The following OSBPL11 variants were observed in gnomAD, a reference collection of about 807,000 sequenced individuals.
OSBPL11 encodes oxysterol binding protein like 11, also known as oxysterol-binding protein-related protein 11.
Under a neutral mutation model 84.4 loss-of-function variants are expected in OSBPL11, and 33 were observed. The ratio of observed to expected loss-of-function variants is 0.39; its 90% confidence interval spans 0.30 to 0.52. The LOEUF is 0.52. OSBPL11 is among the 20% of genes least tolerant of loss of function. The pLI, the probability that OSBPL11 is intolerant of heterozygous loss-of-function variation, is 0.72. For missense variants in OSBPL11, 736 were observed against 901.1 expected, an observed-to-expected ratio of 0.82 and a Z score of 2.35; for synonymous variants, 276 against 310.2, an observed-to-expected ratio of 0.89 and a Z score of 1.16.
In OSBPL11 at chr3:125,529,773, T is replaced by G. The variant is rs1043894646; in HGVS notation, c.*742A>C. 1 of 152,644 alleles carries G rather than the reference T, an allele frequency of 6.6e-6. No individual in the cohort carries two copies. The highest frequency in any genetic ancestry group is 2.4e-5 in the African/African-American group (1 of 41,456). The allele number at this position is 152,644 out of a possible 1,614,324, so 9.5% of individuals were successfully genotyped here. The stretch of plus-strand genomic sequence containing the variant: ...TCTCAAGTGTAATATTTAATAAAAC[T>G]AGGTACTGAAAAATGTTCTGAAATT... On this transcript the variant is annotated 3_prime_UTR_variant, in exon 13 of 13. Coordinates refer to ENST00000296220, the MANE Select transcript of OSBPL11 (RefSeq NM_022776.5).
intron 8 of OSBPL11, among the ~76,000 whole-genome samples, chr3:125,553,103 C>T (rs1935937450): frequency 6.6e-6 from 1 of 152,108 alleles, no homozygotes; most frequent in Non-Finnish European, 1.5e-5. Context: ...CAGAGTGAGA[C>T]CCTGTCTTAA....
chr3:125,570,383 G>A (rs1936225781), intron 5 of OSBPL11, among the ~76,000 whole-genome samples: 1 of 151,864 alleles, frequency 6.6e-6, no homozygotes, highest in African/African-American at 2.4e-5. Context: ...TGTGTGTGGT[G>A]GTGTGTGCCT....
At chr3:125,589,924 C>A (rs901535678) in intron 1 of OSBPL11, among the ~76,000 whole-genome samples, 1 of 152,052 alleles carries the variant, frequency 6.6e-6, no homozygotes, top group Non-Finnish European at 1.5e-5. Context: ...GTGAGGAGCT[C>A]AAAATTTTAA....
chr3:125,578,872 T>C (rs1936374906), intron 4 of OSBPL11, 88 bp downstream of exon 4: 10 of 746,780 alleles, frequency 1.3e-5, no homozygotes, highest in Non-Finnish European at 2.1e-5. Context: ...TTACGGTATA[T>C]GAATAGTATC....
intron 8 of OSBPL11, among the ~76,000 whole-genome samples, chr3:125,557,004 A>T (rs1935999971): frequency 6.6e-6 from 1 of 152,222 alleles, no homozygotes; most frequent in Admixed American, 6.5e-5. Flanking sequence ...CACATTTCAT[A>T]CACACAAAAA....
chr3:125,580,668 C>T, intron 2 of OSBPL11, among the ~76,000 whole-genome samples: 1 of 151,898 alleles, frequency 6.6e-6, no homozygotes, highest in Non-Finnish European at 1.5e-5. Flanking sequence ...AGATTTTTCC[C>T]CAGAATTCAT....
At chr3:125,572,502 G>A (rs1936257174) in intron 5 of OSBPL11, among the ~76,000 whole-genome samples, 1 of 152,124 alleles carries the variant, frequency 6.6e-6, no homozygotes, top group African/African-American at 2.4e-5. Context: ...CCCACATGTT[G>A]TAGGAGGGAC....
At position 125,539,339 on chromosome 3, in the gene OSBPL11, AT is replaced by A. The variant is rs1559834983; in HGVS notation, c.1842-707del. ...TATATATATATATATATATATATAT[AT>A]ATATAATAGCTATATATATGGCTGT... is the stretch of plus-strand genomic sequence containing the variant. On this transcript the variant is annotated intron_variant, in intron 10 of 12. Coordinates refer to ENST00000296220, the MANE Select transcript of OSBPL11 (RefSeq NM_022776.5). Among the ~76,000 whole-genome samples, 1,058 of 124,566 alleles carry A rather than the reference AT, an allele frequency of 8.5e-3. 11 individuals carry two copies. The highest frequency in any genetic ancestry group is 0.013 in the Non-Finnish European group (799 of 60,584). 81.7% of individuals were successfully genotyped at this position (124,566 alleles called of 152,430 possible).
At chr3:125,593,447 C>A (rs1027248016) in intron 1 of OSBPL11, among the ~76,000 whole-genome samples, 3 of 151,956 alleles carry the variant, frequency 2.0e-5, no homozygotes, top group African/African-American at 7.3e-5. Context: ...TGGTGAAACC[C>A]CATCTCTACT....
chr3:125,564,712 T>C (rs1173812250), intron 6 of OSBPL11, among the ~76,000 whole-genome samples: 1 of 151,440 alleles, frequency 6.6e-6, no homozygotes. Flanking sequence ...TGGAGTGCAG[T>C]GGTGCAATCT....
In OSBPL11 at chr3:125,552,286, CT is replaced by C; in HGVS notation, c.1548del (p.Gly517AspfsTer13). The C allele has an allele frequency of 6.2e-7, 1 of 1,614,054 alleles. No homozygotes were observed. The highest frequency in any genetic ancestry group is 8.5e-7 in the Non-Finnish European group (1 of 1,180,004). ...CTCTCTGTACATTCTGCATAAAATC[CT>C]GAGACTGGAGGATGATGAGAAACCT... ...AEQVSHHPPVSGFYAECTERK... is the reference protein window; with the variant it reads ...AEQVSHHPPVXGFYAECTERK... On this transcript the variant is annotated frameshift_variant, in exon 9 of 13. Transcript: ENST00000296220. LOFTEE classifies it high-confidence loss of function.
intron 8 of OSBPL11, among the ~76,000 whole-genome samples, chr3:125,559,411 T>G (rs1270950825): frequency 6.6e-6 from 1 of 152,146 alleles, no homozygotes; most frequent in Non-Finnish European, 1.5e-5. Context: ...TTTTTAGTGA[T>G]GGAGTCTCGT....
At chr3:125,593,099 T>A (rs568252638) in intron 1 of OSBPL11, among the ~76,000 whole-genome samples, 1 of 152,210 alleles carries the variant, frequency 6.6e-6, no homozygotes, top group Admixed American at 6.5e-5. Flanking sequence ...ACAACCAACT[T>A]AATAGACTCC....
Position 125,579,057 on chromosome 3 carries a change from A to C in OSBPL11, c.410-18T>G. On this transcript the variant is annotated intron_variant, in intron 3 of 12. Transcript: ENST00000296220. ...ATCTGTAGCTGTTAAAAGAATGTAA[A>C]AATTATTTTATATTTATTTATTCTG... 2 of 1,529,236 alleles carry C rather than the reference A, an allele frequency of 1.3e-6. No homozygotes were observed. Among genetic ancestry groups the C allele is most frequent in the Non-Finnish European group, 1.8e-6 (2 of 1,121,900 alleles). The allele number at this position is 1,529,236 out of a possible 1,614,324, so 94.7% of individuals were successfully genotyped here. A position where few individuals can be genotyped will look rare whatever the true frequency, so the allele number is the denominator to read the frequency against.
chr3:125,561,175 T>G (rs1176354096), intron 7 of OSBPL11, among the ~76,000 whole-genome samples: 1 of 151,926 alleles, frequency 6.6e-6, no homozygotes, highest in African/African-American at 2.4e-5. Flanking sequence ...TTTTTGTGTT[T>G]TTAGTAGAGA....
rs529963700 is a variant in OSBPL11 at position 125,531,955 on chromosome 3, T to C, written c.2084A>G (p.Glu695Gly). The C allele has an allele frequency of 6.2e-7, 1 of 1,613,606 alleles. No individual in the cohort carries two copies. Among genetic ancestry groups the C allele is most frequent in the African/African-American group, 1.3e-5 (1 of 75,030 alleles). The change falls in exon 12 of 13, where the codon GAG becomes GGG. Residue 695 changes from glutamate to glycine, a missense_variant. This residue lies in a region of OSBPL11 where 579 missense variants were observed against 717.6 expected (regional missense o/e 0.81). Transcript: ENST00000296220. ...LRESEIDKATEHKHTLEERQR... is the reference protein window; with the variant it reads ...LRESEIDKATGHKHTLEERQR... Reference sequence around the variant, plus strand: ...ACGTTCTTCCAGGGTATGCTTATGCTCTGTGGCCTTATCAATTTCAGATTC... The same window carrying C: ...ACGTTCTTCCAGGGTATGCTTATGCCCTGTGGCCTTATCAATTTCAGATTC...
chr3:125,538,290 A>AAT (rs1329283778), intron 11 of OSBPL11, among the ~76,000 whole-genome samples, 161 bp downstream of exon 11: 4 of 152,224 alleles, frequency 2.6e-5, no homozygotes. Context: ...AGAATCTCAC[A>AAT]GCTGGCAAGG....
rs1204844541 is a variant in OSBPL11 at position 125,560,789 on chromosome 3, TCA to T, written c.1015-272_1015-271del. ...TTTTTTGGGGGGAAAATAGAATTTT[TCA>T]AAAAGAGTGAAGAATGTCTCCTCCA... On this transcript the variant is annotated intron_variant, in intron 7 of 12. Transcript: ENST00000296220. Among the ~76,000 whole-genome samples the T allele has an allele frequency of 7.2e-5, 11 of 152,286 alleles. No homozygotes were observed. In the East Asian group the frequency reaches 1.9e-3, roughly 27 times the overall value.
At chr3:125,591,054 A>C (rs1936588201) in intron 1 of OSBPL11, among the ~76,000 whole-genome samples, 1 of 152,228 alleles carries the variant, frequency 6.6e-6, no homozygotes, top group Non-Finnish European at 1.5e-5. Flanking sequence ...TAAATGTGAT[A>C]ACAGATGTGA....
Sources: gnomAD v4.1 joint callset for allele counts (sites outside exome capture counted in the v4.1 genomes callset) on GRCh38, gnomAD v4.1.1 for gene constraint, gnomAD v4.1.1 regional missense constraint, MANE v1.5 for transcripts, NCBI Gene and HGNC (gene_info 2026-07-23, HGNC 2026-07-21) for gene names.